Variants in EIF2B3 observed in about 807,000 individuals in gnomAD.
The protein encoded by EIF2B3 is eukaryotic translation initiation factor 2B subunit gamma.
Under a neutral mutation model 54.1 loss-of-function variants are expected in EIF2B3, and 20 were observed. The observed-to-expected ratio is 0.37, with a 90% CI of 0.26 to 0.54. The LOEUF (loss-of-function observed/expected upper bound fraction) is 0.54. EIF2B3 is among the 20% of genes least tolerant of loss of function. The pLI, the probability that EIF2B3 is intolerant of heterozygous loss-of-function variation, is 0.86. For synonymous variants in EIF2B3, 153 were observed against 188.1 expected (o/e 0.81, Z 1.52); for missense variants, 448 against 547.8 (o/e 0.82, Z 1.82).
At chr1:44,862,640 T>C (rs957453277) in intron 10 of EIF2B3, among the ~76,000 whole-genome samples, 1 of 152,226 alleles carries the variant, frequency 6.6e-6, no homozygotes, top group African/African-American at 2.4e-5. Context: ...TATTATTATT[T>C]TTTGAGATGG....
chr1:44,940,477 A>G (rs1486810826), intron 4 of EIF2B3, among the ~76,000 whole-genome samples: 5 of 152,166 alleles, frequency 3.3e-5, no homozygotes, highest in African/African-American at 1.2e-4. Flanking sequence ...AGCATGATTA[A>G]CAACTATCAG....
In EIF2B3 at chr1:44,984,797, C is replaced by CTTTTTTTTTTTTTTT. The variant is rs71040529; in HGVS notation, c.-10+1681_-10+1695dup. ...GTAAAGCAGACAAAATAATGTCCAT[C>CTTTTTTTTTTTTTTT]TTTTTTTTTTTTTTTTTTTTGAGAC... On this transcript the variant is annotated intron_variant, in intron 1 of 11. Coordinates refer to ENST00000360403, the MANE Select transcript of EIF2B3 (RefSeq NM_020365.5). Among the ~76,000 whole-genome samples the CTTTTTTTTTTTTTTT allele has an allele frequency of 4.9e-4, 43 of 88,534 alleles. 6 individuals carry two copies. Among genetic ancestry groups the CTTTTTTTTTTTTTTT allele is most frequent in the African/African-American group, 1.3e-3 (25 of 18,584 alleles). 58.1% of individuals were successfully genotyped at this position (88,534 alleles called of 152,430 possible). A position where few individuals can be genotyped will look rare whatever the true frequency, so the allele number is the denominator to read the frequency against.
intron 11 of EIF2B3, among the ~76,000 whole-genome samples, chr1:44,857,335 G>C (rs1441348349): frequency 6.6e-6 from 1 of 152,156 alleles, no homozygotes; most frequent in Non-Finnish European, 1.5e-5. Flanking sequence ...TTCGCAACCA[G>C]CCTGACCAAC....
At chr1:44,923,150 A>G (rs1167075489) in intron 5 of EIF2B3, among the ~76,000 whole-genome samples, 2 of 152,254 alleles carry the variant, frequency 1.3e-5, no homozygotes, top group East Asian at 3.9e-4. Context: ...CAAATACAAG[A>G]TTATTTCATC....
intron 11 of EIF2B3, among the ~76,000 whole-genome samples, chr1:44,852,931 G>A (rs1654320973): frequency 6.6e-6 from 1 of 152,110 alleles, no homozygotes. Flanking sequence ...TCATATAACT[G>A]GAGAGCTAAA....
intron 5 of EIF2B3, chr1:44,924,967 A>T (rs1460133487): frequency 1.3e-5 from 2 of 152,082 alleles, no homozygotes; most frequent in Non-Finnish European, 2.9e-5. Flanking sequence ...CTCTGCCCAG[A>T]TGTTTTATTT....
intron 6 of EIF2B3, among the ~76,000 whole-genome samples, chr1:44,896,539 C>T (rs576721009): frequency 6.6e-6 from 1 of 152,316 alleles, no homozygotes; most frequent in South Asian, 2.1e-4. Context: ...GGAGATACCT[C>T]TTGCTACTGT....
chr1:44,941,748 T>A, intron 3 of EIF2B3, 83 bp from the exon 4 acceptor site: 1 of 1,486,112 alleles, frequency 6.7e-7, no homozygotes, highest in Non-Finnish European at 9.4e-7. Flanking sequence ...TAGGATGGCT[T>A]AAAACCACAC....
chr1:44,859,133 T>G (rs956541566), intron 10 of EIF2B3, among the ~76,000 whole-genome samples: 1 of 147,648 alleles, frequency 6.8e-6, no homozygotes, highest in Non-Finnish European at 1.5e-5. Context: ...ACTCTTTATC[T>G]CTACACAAAA....
At position 44,879,809 on chromosome 1, in the gene EIF2B3, T is replaced by C. The variant is rs79174967; in HGVS notation, c.975+9A>G. On this transcript the variant is annotated intron_variant, in intron 8 of 11. Transcript: ENST00000360403. The stretch of plus-strand genomic sequence containing the variant: ...AAGAGCCCCATGATTTTCTAACTCA[T>C]GCTCTCACCTGTCTGTTTGCTTCCA... 2.5e-3 allele frequency: 3,974 copies of C among 1,613,278 alleles called. 97 individuals carry two copies. In the African/African-American group the frequency reaches 0.046, roughly 18 times the overall value.
rs983652948 is a variant in EIF2B3, at chr1:44,922,721, T to A, written c.566+3907A>T. On this transcript the variant is annotated intron_variant, in intron 5 of 11. Transcript: ENST00000360403. ...TGTCCTCTTCAAATTCTTGCATCAA[T>A]ATTTTATAATTTTCATTGTAGAGAC... Among the ~76,000 whole-genome samples the A allele has an allele frequency of 1.4e-4, 22 of 151,920 alleles. 1 individual carries two copies. Among genetic ancestry groups the A allele is most frequent in the Middle Eastern group, 3.2e-3 (1 of 316 alleles).
Position 44,850,717 on chromosome 1 carries a change from G to A in EIF2B3, c.*234C>T. 1.7e-6 allele frequency: 1 copy of A among 579,770 alleles called. No individual in the cohort carries two copies. Among genetic ancestry groups the A allele is most frequent in the Non-Finnish European group, 3.1e-6 (1 of 325,432 alleles). 35.9% of individuals were successfully genotyped at this position (579,770 alleles called of 1,614,324 possible). On this transcript the variant is annotated 3_prime_UTR_variant, in exon 12 of 12. Coordinates refer to ENST00000360403, the MANE Select transcript of EIF2B3 (RefSeq NM_020365.5). Reference sequence around the variant, plus strand: ...CTTGGCACACAAGAGTTAGGCCACTGTATCTGTCCTGTCCCACACACTTGC... The same window carrying A: ...CTTGGCACACAAGAGTTAGGCCACTATATCTGTCCTGTCCCACACACTTGC...
intron 6 of EIF2B3, among the ~76,000 whole-genome samples, chr1:44,888,600 A>G (rs982248164): frequency 2.0e-5 from 3 of 152,144 alleles, no homozygotes; most frequent in Non-Finnish European, 4.4e-5. Context: ...TTAAGTTGTA[A>G]CGAATCTAAT....
In EIF2B3 at chr1:44,897,427, A is replaced by C. The variant is rs768160221; in HGVS notation, c.584T>G (p.Phe195Cys). The part of the protein sequence containing the change: ...SILQKHPRIR[F>C]HTGLVDAHLY... ...GTGGGCATCCACAAGACCCGTGTGGAAACGTATTCTAGGATGCCTGCAAAA... is the reference window on the plus strand; with the variant it reads ...GTGGGCATCCACAAGACCCGTGTGGCAACGTATTCTAGGATGCCTGCAAAA... Residue 195 changes from phenylalanine to cysteine, a missense_variant, in exon 6 of 12, where the codon TTC becomes TGC. Coordinates refer to ENST00000360403, the MANE Select transcript of EIF2B3 (RefSeq NM_020365.5). 1 of 1,612,966 alleles carries C rather than the reference A, an allele frequency of 6.2e-7. No homozygotes were observed. The highest frequency in any genetic ancestry group is 8.5e-7 in the Non-Finnish European group (1 of 1,179,642).
chr1:44,866,596 C>T (rs2148897249), intron 10 of EIF2B3, among the ~76,000 whole-genome samples: 1 of 151,620 alleles, frequency 6.6e-6, no homozygotes, highest in Admixed American at 6.6e-5. Context: ...GCTCTGTCAT[C>T]CAGTCCGGAG....
intron 1 of EIF2B3, among the ~76,000 whole-genome samples, chr1:44,981,542 T>A (rs115636007): frequency 6.6e-6 from 1 of 152,192 alleles, no homozygotes; most frequent in Non-Finnish European, 1.5e-5. Context: ...CTAGTTTTCA[T>A]TGAAAACACA....
chr1:44,967,917 A>G (rs1644360451), intron 3 of EIF2B3, among the ~76,000 whole-genome samples: 1 of 151,972 alleles, frequency 6.6e-6, no homozygotes, highest in Admixed American at 6.6e-5. Context: ...ACATGCCTGT[A>G]ATCCCAGCTA....
intron 7 of EIF2B3, among the ~76,000 whole-genome samples, chr1:44,880,821 C>T (rs551932553): frequency 2.0e-5 from 3 of 152,020 alleles, no homozygotes; most frequent in African/African-American, 4.8e-5. Flanking sequence ...ATTAGCCGGG[C>T]GTGGTGGCGT....
At chr1:44,922,013 A>G (rs1409377607) in intron 5 of EIF2B3, among the ~76,000 whole-genome samples, 2 of 150,012 alleles carry the variant, frequency 1.3e-5, no homozygotes, top group Non-Finnish European at 3.0e-5. Flanking sequence ...CTCATGTGAT[A>G]CTCCTGCCTC....
Sources: gnomAD v4.1 joint callset for allele counts (sites outside exome capture counted in the v4.1 genomes callset) on GRCh38, gnomAD v4.1.1 for gene constraint, MANE v1.5 for transcripts, NCBI Gene and HGNC (gene_info 2026-07-23, HGNC 2026-07-21) for gene names.